Variants in CELF2 observed in about 807,000 individuals in gnomAD.
The protein encoded by CELF2 is CUGBP Elav-like family member 2.
CELF2 carries 8 observed loss-of-function variants against 62.6 expected under a neutral mutation model. The ratio of observed to expected loss-of-function variants is 0.13; its 90% CI spans 0.07 to 0.23. The LOEUF (loss-of-function observed/expected upper bound fraction) is 0.23. Among genes scored for constraint, CELF2 ranks in the 10% least tolerant of loss-of-function variants. The probability of loss-of-function intolerance (pLI) is 1.00; values close to 1 mark genes in which losing one functional copy is unlikely to be tolerated. For synonymous variants in CELF2, 258 were observed against 250.0 expected (o/e 1.03, Z -0.30); for missense variants, 333 against 671.0 (o/e 0.50, Z 5.56).
intron 2 of CELF2, among the ~76,000 whole-genome samples, chr10:10,943,011 G>A (rs916115725): frequency 3.3e-5 from 5 of 152,158 alleles, no homozygotes; most frequent in Admixed American, 6.5e-5. Flanking sequence ...CCAACAAGCC[G>A]GGATGCCCAT....
chr10:11,054,489 T>TTGTGTGTGTGTGTGTGTGTG (rs35465939), intron 1 of CELF2, among the ~76,000 whole-genome samples: 1 of 149,478 alleles, frequency 6.7e-6, no homozygotes, highest in Non-Finnish European at 1.5e-5. Flanking sequence ...GTATGTGTGT[T>TTGTGTGTGTGTGTGTGTGTG]TGTGTGTGTG....
the CELF2 span, among the ~76,000 whole-genome samples, chr10:10,586,563 G>T: frequency 6.6e-6 from 1 of 152,184 alleles, no homozygotes; most frequent in Non-Finnish European, 1.5e-5. Context: ...ATTTTGGAAA[G>T]TTCAAGGGAA....
chr10:10,849,372 A>G (rs1289668151), intron 1 of CELF2, among the ~76,000 whole-genome samples: 1 of 152,146 alleles, frequency 6.6e-6, no homozygotes, highest in Non-Finnish European at 1.5e-5. Context: ...ATGCCACTGC[A>G]CTCCAGACTG....
intron 1 of CELF2, among the ~76,000 whole-genome samples, chr10:11,129,746 C>T (rs755005664): frequency 5.9e-5 from 9 of 151,958 alleles, no homozygotes; most frequent in East Asian, 1.9e-4. Flanking sequence ...TTTTTTATTG[C>T]GTCTATTTGA....
chr10:11,313,574 C>T (rs1289557410), intron 9 of CELF2, among the ~76,000 whole-genome samples: 1 of 152,178 alleles, frequency 6.6e-6, no homozygotes, highest in Admixed American at 6.5e-5. Flanking sequence ...TCAGAATCTT[C>T]CCATGAAGAA....
At chr10:11,154,040 T>C (rs558224645) in intron 1 of CELF2, among the ~76,000 whole-genome samples, 10 of 152,318 alleles carry the variant, frequency 6.6e-5, no homozygotes, top group African/African-American at 2.4e-4. Context: ...AAACACATGA[T>C]CATCTGTATT....
intron 1 of CELF2, among the ~76,000 whole-genome samples, chr10:10,805,093 T>G (rs1258785086): frequency 6.6e-6 from 1 of 152,200 alleles, no homozygotes; most frequent in Non-Finnish European, 1.5e-5. Flanking sequence ...TTATGCTAAG[T>G]GCTTTTCATG....
intron 1 of CELF2, among the ~76,000 whole-genome samples, chr10:11,140,887 T>C (rs1329456051): frequency 6.6e-6 from 1 of 152,066 alleles, no homozygotes; most frequent in Non-Finnish European, 1.5e-5. Flanking sequence ...CATGATGGAG[T>C]GCGCCTGTAT....
rs2062842107 is a variant in CELF2 at position 11,214,704 on chromosome 10, T to C, written c.272-2721T>C. ...GTGTTACCTACGGTATCCTCCTGCG[T>C]GTCACACTGGAACTAGAGCTTCTCT... On this transcript the variant is annotated intron_variant, in intron 2 of 12. Transcript: ENST00000633077. This position sits in a 1 kb window ranked among gnomAD's most constrained non-coding sequence, Gnocchi z 4.2. Among the ~76,000 whole-genome samples the C allele has an allele frequency of 6.6e-6, 1 of 152,250 alleles. No homozygotes were observed. The highest frequency in any genetic ancestry group is 2.4e-5 in the African/African-American group (1 of 41,470).
the CELF2 span, among the ~76,000 whole-genome samples, chr10:10,759,715 C>T: frequency 2.6e-5 from 4 of 152,092 alleles, no homozygotes; most frequent in Non-Finnish European, 4.4e-5. Context: ...CATGGTGATT[C>T]TTCTAGCAGT....
chr10:11,102,003 T>G (rs1178016556), intron 1 of CELF2: 1 of 152,224 alleles, frequency 6.6e-6, no homozygotes, highest in African/African-American at 2.4e-5. Context: ...GGTGTTTTTT[T>G]CTTTCATATA....
At chr10:10,786,438 G>C in the CELF2 span, among the ~76,000 whole-genome samples, 1 of 150,670 alleles carries the variant, frequency 6.6e-6, no homozygotes, top group South Asian at 2.1e-4. Flanking sequence ...ATACAGATCA[G>C]GATGATGAGA....
the CELF2 span, among the ~76,000 whole-genome samples, chr10:10,760,189 C>T: frequency 6.6e-6 from 1 of 152,236 alleles, no homozygotes; most frequent in Non-Finnish European, 1.5e-5. Flanking sequence ...TAGACGTGAG[C>T]CACTGTGGCC....
intron 2 of CELF2, among the ~76,000 whole-genome samples, chr10:10,944,595 A>AT (rs972643620): frequency 1.3e-5 from 2 of 150,856 alleles, no homozygotes; most frequent in Non-Finnish European, 3.0e-5. Context: ...TGGAGGGAGG[A>AT]TTTTTTTTTC....
rs1385198487 is a variant in CELF2, at chr10:10,934,457, G to T, written c.89+14458G>T. ...ATCTTTCTGAATGGTTGAAGTGAGAGTAACAGGTGCATGAACAAGACTGCT... is the reference window on the plus strand; with the variant it reads ...ATCTTTCTGAATGGTTGAAGTGAGATTAACAGGTGCATGAACAAGACTGCT... On this transcript the variant is annotated intron_variant, in intron 2 of 13. Transcript: ENST00000636488. The surrounding 1 kb of genome is among the most constrained non-coding windows in gnomAD (Gnocchi z 4.4). 1 of 152,224 alleles carries T rather than the reference G, an allele frequency of 6.6e-6. No individual in the cohort carries two copies. Among genetic ancestry groups the T allele is most frequent in the African/African-American group, 2.4e-5 (1 of 41,454 alleles). The allele number at this position is 152,224 out of a possible 1,614,324, so 9.4% of individuals were successfully genotyped here.
chr10:10,594,921 A>G, the CELF2 span, among the ~76,000 whole-genome samples: 1 of 152,194 alleles, frequency 6.6e-6, no homozygotes, highest in African/African-American at 2.4e-5. Context: ...AGAAGAATTC[A>G]TCTCTCTCCT....
At position 11,335,179 on chromosome 10, in the gene CELF2, A is replaced by AC. The variant is rs1480127002; in HGVS notation, c.*6130dup. 1.3e-5 allele frequency: 2 copies of AC among 152,378 alleles called. No individual in the cohort carries two copies. The highest frequency in any genetic ancestry group is 4.8e-5 in the African/African-American group (2 of 41,430). The allele number at this position is 152,378 out of a possible 1,614,324, so 9.4% of individuals were successfully genotyped here. On this transcript the variant is annotated 3_prime_UTR_variant, in exon 13 of 13. Transcript: ENST00000633077. The surrounding 1 kb of genome is among the most constrained non-coding windows in gnomAD (Gnocchi z 5.0). Reference sequence around the variant, plus strand: ...GAACCTAAGTCTCGTCCCCACTGTCACCCCAAGGCCAGTTATCAAAAACTG... The same window carrying AC: ...GAACCTAAGTCTCGTCCCCACTGTCACCCCCAAGGCCAGTTATCAAAAACTG...
At chr10:10,754,871 T>A in the CELF2 span, among the ~76,000 whole-genome samples, 2 of 152,238 alleles carry the variant, frequency 1.3e-5, no homozygotes, top group Non-Finnish European at 1.5e-5. Flanking sequence ...CCTGCATGAA[T>A]TCCTCAGCAG....
the CELF2 span, among the ~76,000 whole-genome samples, chr10:10,492,942 C>T: frequency 7.9e-5 from 12 of 152,134 alleles, no homozygotes; most frequent in African/African-American, 2.4e-4. Flanking sequence ...TGCCTGCCAC[C>T]GTGTAGTAAG....
Sources: allele counts gnomAD v4.1 joint callset (sites outside exome capture counted in the v4.1 genomes callset), GRCh38; gene constraint gnomAD v4.1.1; non-coding constraint Gnocchi (gnomAD v3.1); transcripts MANE v1.5; gene names NCBI Gene and HGNC (gene_info 2026-07-23, HGNC 2026-07-21).